CCDC102B: variants seen among roughly 807,000 people sequenced by gnomAD.
The protein encoded by CCDC102B is coiled-coil domain containing 102B.
In CCDC102B, 75 loss-of-function variants were observed where a neutral mutation model predicts 57.4. That is an observed-to-expected ratio of 1.31 (90% CI 1.08 to 1.58). The LOEUF (loss-of-function observed/expected upper bound fraction) is 1.58, where lower values mean the gene tolerates loss of function less well. Ranked by LOEUF, CCDC102B falls within the 40% of genes most tolerant of loss-of-function variation. CCDC102B has a pLI of 0.00. For missense variants in CCDC102B, 636 were observed against 582.6 expected, an observed-to-expected ratio of 1.09 and a Z score of -0.94; for synonymous variants, 206 against 201.9, an observed-to-expected ratio of 1.02 and a Z score of -0.17.
chr18:69,022,224 ACACACACACACGCGTGCGTGTGC>A (rs1568131226), intron 7 of CCDC102B, among the ~76,000 whole-genome samples: 1 of 111,778 alleles, frequency 8.9e-6, no homozygotes, highest in East Asian at 2.6e-4. Context: ...TATATATATA[ACACACACACACGCGTGCGTGTGC>A]ACACACACAC....
At chr18:68,942,942 C>T (rs144640103) in intron 6 of CCDC102B, among the ~76,000 whole-genome samples, 29 of 129,140 alleles carry the variant, frequency 2.2e-4, no homozygotes, top group African/African-American at 6.9e-4. Context: ...TGCGGCCTTC[C>T]GCTGTGTTTT....
chr18:68,728,482 A>G (rs9964935), intron 2 of CCDC102B, among the ~76,000 whole-genome samples: 7,455 of 152,246 alleles, frequency 0.049, 619 homozygotes, highest in African/African-American at 0.17. Context: ...TCCTCATGTC[A>G]AGGTGAAGCT....
intron 2 of CCDC102B, among the ~76,000 whole-genome samples, chr18:68,718,397 C>T (rs1042098105): frequency 3.3e-5 from 5 of 152,170 alleles, no homozygotes; most frequent in African/African-American, 1.2e-4. Flanking sequence ...AAATGTTGAA[C>T]AGAAGAAGCC....
chr18:68,936,170 C>G (rs757174361), intron 6 of CCDC102B, among the ~76,000 whole-genome samples: 63 of 151,544 alleles, frequency 4.2e-4, no homozygotes, highest in Admixed American at 9.9e-4. Flanking sequence ...GACTTGGGTC[C>G]CATTCCCAAG....
intron 7 of CCDC102B, among the ~76,000 whole-genome samples, chr18:69,029,792 CA>C (rs2052089953): frequency 6.6e-6 from 1 of 152,084 alleles, no homozygotes; most frequent in Admixed American, 6.6e-5. Context: ...TGATTATGTT[CA>C]AAGAAGAAGG....
chr18:68,997,341 A>ACT (rs2051057317), intron 6 of CCDC102B, among the ~76,000 whole-genome samples: 1 of 152,172 alleles, frequency 6.6e-6, no homozygotes, highest in Non-Finnish European at 1.5e-5. Context: ...GAGAATTGAC[A>ACT]AGTACATATT....
intron 2 of CCDC102B, among the ~76,000 whole-genome samples, chr18:68,789,746 A>C (rs1166460390): frequency 1.4e-5 from 2 of 142,688 alleles, no homozygotes; most frequent in African/African-American, 2.7e-5. Flanking sequence ...TTTTTTTCAA[A>C]GTTTTCAACT....
At chr18:68,886,579 T>A (rs1372912869) in intron 5 of CCDC102B, among the ~76,000 whole-genome samples, 2 of 152,150 alleles carry the variant, frequency 1.3e-5, no homozygotes, top group African/African-American at 4.8e-5. Flanking sequence ...AGATAATCAT[T>A]TTATTTCAAT....
At chr18:68,969,016 G>C (rs1259682831) in intron 6 of CCDC102B, among the ~76,000 whole-genome samples, 1 of 151,918 alleles carries the variant, frequency 6.6e-6, no homozygotes, top group African/African-American at 2.4e-5. Flanking sequence ...TACTATTTTT[G>C]TTTTTTTATT....
At chr18:68,911,306 C>G (rs955790737) in intron 6 of CCDC102B, among the ~76,000 whole-genome samples, 9 of 152,128 alleles carry the variant, frequency 5.9e-5, no homozygotes, top group Non-Finnish European at 1.3e-4. Context: ...AGTGTGGAGG[C>G]TATTATCTTT....
chr18:68,889,176 G>A (rs79602854), intron 5 of CCDC102B, among the ~76,000 whole-genome samples: 1,621 of 152,096 alleles, frequency 0.011, 38 homozygotes, highest in East Asian at 0.081. Context: ...TTAATCCTAG[G>A]GTGATAGTTT....
intron 6 of CCDC102B, chr18:68,897,790 G>A (rs2040296733): frequency 4.5e-6 from 2 of 440,446 alleles, no homozygotes; most frequent in Non-Finnish European, 7.7e-6. Flanking sequence ...TAATTCAAGC[G>A]ACTATACAAT....
intron 6 of CCDC102B, among the ~76,000 whole-genome samples, chr18:68,973,122 A>C: frequency 6.6e-6 from 1 of 152,136 alleles, no homozygotes; most frequent in East Asian, 1.9e-4. Flanking sequence ...GGAGGTCCTT[A>C]ATCCTTAAAT....
At chr18:68,854,000 C>G (rs1403435907) in intron 4 of CCDC102B, among the ~76,000 whole-genome samples, 1 of 152,070 alleles carries the variant, frequency 6.6e-6, no homozygotes, top group Admixed American at 6.5e-5. Flanking sequence ...TACTTCTTCC[C>G]CTTTGTAGAA....
chr18:68,949,569 C>T (rs2049637551), intron 6 of CCDC102B, among the ~76,000 whole-genome samples: 1 of 152,006 alleles, frequency 6.6e-6, no homozygotes, highest in South Asian at 2.1e-4. Context: ...AGCTTTTTGC[C>T]ACCCCTCTTT....
intron 6 of CCDC102B, among the ~76,000 whole-genome samples, chr18:69,004,025 CAAAA>C (rs761638584): frequency 7.0e-4 from 107 of 152,216 alleles, no homozygotes; most frequent in Admixed American, 3.3e-3. Flanking sequence ...TATAGAGATC[CAAAA>C]CTAACTCTGA....
chr18:69,000,820 T>G (rs537007377), intron 6 of CCDC102B, among the ~76,000 whole-genome samples: 2 of 152,328 alleles, frequency 1.3e-5, no homozygotes, highest in Non-Finnish European at 2.9e-5. Context: ...GAAAGTTTAT[T>G]TGTAAGCGAA....
At chr18:68,853,451 G>A (rs937293222) in intron 4 of CCDC102B, among the ~76,000 whole-genome samples, 7 of 151,632 alleles carry the variant, frequency 4.6e-5, no homozygotes, top group East Asian at 3.9e-4. Flanking sequence ...TTACTATATC[G>A]CTCTCATACT....
intron 6 of CCDC102B, among the ~76,000 whole-genome samples, chr18:68,984,494 C>T (rs1421648541): frequency 6.6e-6 from 1 of 152,078 alleles, no homozygotes; most frequent in Non-Finnish European, 1.5e-5. Flanking sequence ...TTTGATGATG[C>T]AAGCTTTCTA....
Sources: gnomAD v4.1 joint callset for allele counts (sites outside exome capture counted in the v4.1 genomes callset) on GRCh38, gnomAD v4.1.1 for gene constraint, MANE v1.5 for transcripts, NCBI Gene and HGNC (gene_info 2026-07-23, HGNC 2026-07-21) for gene names.